Variants in CNOT2 observed in about 807,000 individuals in gnomAD.
CNOT2 encodes CCR4-NOT transcription complex subunit 2, also known as CC chemokine receptor 4-negative regulator of transcription 2.
A neutral mutation model predicts 72.1 loss-of-function variants in CNOT2; 7 were observed. The observed-to-expected ratio is 0.10, with a 90% CI of 0.06 to 0.18. CNOT2 has a LOEUF of 0.18. Among genes scored for constraint, CNOT2 ranks in the 10% least tolerant of loss-of-function variants. The probability of loss-of-function intolerance (pLI) is 1.00; values close to 1 mark genes in which losing one functional copy is unlikely to be tolerated. For synonymous variants in CNOT2, 196 were observed against 225.6 expected (o/e 0.87, Z 1.17); for missense variants, 345 against 660.3 (o/e 0.52, Z 5.23).
chr12:70,279,711 A>G (rs797015760), intron 2 of CNOT2, among the ~76,000 whole-genome samples: 61 of 152,334 alleles, frequency 4.0e-4, no homozygotes, highest in African/African-American at 1.4e-3. Flanking sequence ...TCCAATTTGT[A>G]AAGTGTGAAT....
intron 13 of CNOT2, 39 bp from the exon 14 acceptor site, chr12:70,344,089 T>G: frequency 2.1e-6 from 3 of 1,420,870 alleles, no homozygotes; most frequent in Non-Finnish European, 2.9e-6. Flanking sequence ...ATTTGCAGAT[T>G]TGTTTTATAT....
At chr12:70,277,227 G>A (rs1178795465) in intron 1 of CNOT2, among the ~76,000 whole-genome samples, 1 of 152,076 alleles carries the variant, frequency 6.6e-6, no homozygotes, top group Non-Finnish European at 1.5e-5. Flanking sequence ...TTAGGTAAGA[G>A]ATATCTGTCT....
At chr12:70,337,698 A>T in intron 9 of CNOT2, 185 bp downstream of exon 9, 4 of 684,224 alleles carry the variant, frequency 5.8e-6, no homozygotes, top group Admixed American at 2.3e-5. Context: ...TTCCTATTTC[A>T]TATAGGTTTG....
intron 15 of CNOT2, chr12:70,347,561 A>C (rs1347980830): frequency 6.6e-6 from 1 of 151,694 alleles, no homozygotes; most frequent in Non-Finnish European, 1.5e-5. Flanking sequence ...TGAACCTGGG[A>C]GGCGGAGCTT....
At chr12:70,254,862 T>C (rs1958344271) in intron 1 of CNOT2, among the ~76,000 whole-genome samples, 1 of 151,692 alleles carries the variant, frequency 6.6e-6, no homozygotes, top group African/African-American at 2.4e-5. Context: ...GTGTCTCTAA[T>C]CCGAGATGCT....
chr12:70,346,045 A>G lies in CNOT2; in HGVS notation c.1392-135A>G, dbSNP rs200741750. On this transcript the variant is annotated intron_variant, in intron 14 of 15. Transcript: ENST00000229195. ...GGTTGTATTTAATAACTTATAATAA[A>G]TGAGTAGGAAGCATTCATATTTATT... is the stretch of plus-strand genomic sequence containing the variant. 174 of 582,712 alleles carry G rather than the reference A, an allele frequency of 3.0e-4. No homozygotes were observed. The East Asian group carries it at 4.9e-3, about 16-fold the overall frequency. 36.1% of individuals were successfully genotyped at this position (582,712 alleles called of 1,614,324 possible). A position where few individuals can be genotyped will look rare whatever the true frequency, so the allele number is the denominator to read the frequency against.
At chr12:70,251,369 A>G (rs559053842) in intron 1 of CNOT2, among the ~76,000 whole-genome samples, 2 of 152,262 alleles carry the variant, frequency 1.3e-5, no homozygotes, top group African/African-American at 4.8e-5. Flanking sequence ...GGGAATCAGC[A>G]TTGTAAATGC....
chr12:70,296,144 A>AAC (rs1394476377), intron 2 of CNOT2, among the ~76,000 whole-genome samples: 24 of 151,524 alleles, frequency 1.6e-4, no homozygotes, highest in African/African-American at 3.4e-4. Context: ...CTCCCCCACC[A>AAC]ACACACACAC....
chr12:70,332,451 G>T (rs1000232990), intron 6 of CNOT2: 2 of 196,168 alleles, frequency 1.0e-5, no homozygotes, highest in African/African-American at 4.6e-5. Flanking sequence ...AGGTAATTCA[G>T]GTATCCAGGA....
chr12:70,275,750 A>T (rs1198866122), intron 1 of CNOT2, among the ~76,000 whole-genome samples: 2 of 152,124 alleles, frequency 1.3e-5, no homozygotes, highest in Non-Finnish European at 2.9e-5. Context: ...CCTAGGGTGC[A>T]TGCTGTCTCT....
In CNOT2 at chr12:70,297,893, C is replaced by T. The variant is rs564185469; in HGVS notation, c.49-13002C>T. 1.2e-3 allele frequency: 228 copies of T among 187,800 alleles called. 1 individual carries two copies. Among genetic ancestry groups the T allele is most frequent in the African/African-American group, 5.0e-3 (208 of 41,708 alleles). 11.6% of individuals were successfully genotyped at this position (187,800 alleles called of 1,614,324 possible). A position where few individuals can be genotyped will look rare whatever the true frequency, so the allele number is the denominator to read the frequency against. On this transcript the variant is annotated intron_variant, in intron 2 of 15. Transcript: ENST00000229195. ...CTGGGACTACAGGTGCGTACCACCA[C>T]GCCCAACTAATTTTTGTATTTTTAG...
rs1441649228 is a variant in CNOT2 at position 70,354,688 on chromosome 12, ATGTT to A, written c.*776_*779del. 7.2e-5 allele frequency: 11 copies of A among 152,582 alleles called. No homozygotes were observed. Among genetic ancestry groups the A allele is most frequent in the African/African-American group, 2.7e-4 (11 of 41,428 alleles). 9.5% of individuals were successfully genotyped at this position (152,582 alleles called of 1,614,324 possible). A position where few individuals can be genotyped will look rare whatever the true frequency, so the allele number is the denominator to read the frequency against. On this transcript the variant is annotated 3_prime_UTR_variant, in exon 16 of 16. Coordinates refer to ENST00000229195, the MANE Select transcript of CNOT2 (RefSeq NM_014515.7). ...ATATATATGACATCTATTTTGGAAAATGTTTGCCCTGCTGTACCTCATTTTTAGG... is the reference window on the plus strand; with the variant it reads ...ATATATATGACATCTATTTTGGAAAATGCCCTGCTGTACCTCATTTTTAGG...
chr12:70,268,112 A>C (rs180695450), intron 1 of CNOT2, among the ~76,000 whole-genome samples: 2 of 152,164 alleles, frequency 1.3e-5, no homozygotes, highest in Admixed American at 6.5e-5. Context: ...TATTATTTTC[A>C]TTTTGTCCAA....
At chr12:70,308,251 G>A (rs945534134) in intron 2 of CNOT2, among the ~76,000 whole-genome samples, 1 of 151,998 alleles carries the variant, frequency 6.6e-6, no homozygotes, top group African/African-American at 2.4e-5. Flanking sequence ...TAAAGGACGG[G>A]CACTTTAAAA....
At chr12:70,262,336 C>CAATCTCGG (rs1410278038) in intron 1 of CNOT2, among the ~76,000 whole-genome samples, 2 of 151,610 alleles carry the variant, frequency 1.3e-5, no homozygotes, top group Non-Finnish European at 2.9e-5. Flanking sequence ...TGCAATGGCG[C>CAATCTCGG]AATCTCGGCT....
chr12:70,329,327 G>A (rs574034441), intron 4 of CNOT2, 96 bp from the exon 5 acceptor site: 11 of 875,116 alleles, frequency 1.3e-5, no homozygotes, highest in Non-Finnish European at 1.9e-5. Context: ...ACTATGTTAG[G>A]TCATTAAAAG....
intron 15 of CNOT2, among the ~76,000 whole-genome samples, chr12:70,347,011 AATATATTCTCTCCACTCT>A (rs1882262203): frequency 6.6e-6 from 1 of 151,960 alleles, no homozygotes; most frequent in Admixed American, 6.6e-5. Context: ...ATGTGGAGAG[AATATATTCTCTCCACTCT>A]ATATATTATT....
chr12:70,332,084 G>C (rs762239100), intron 6 of CNOT2, among the ~76,000 whole-genome samples: 14 of 151,520 alleles, frequency 9.2e-5, no homozygotes, highest in Non-Finnish European at 1.9e-4. Context: ...ACCATAGACT[G>C]TGTTTTCTTT....
chr12:70,298,014 C>T (rs1282917912), intron 2 of CNOT2: 2 of 161,314 alleles, frequency 1.2e-5, no homozygotes, highest in Non-Finnish European at 2.7e-5. Context: ...AGTGGGATTA[C>T]AGGCGTGAAC....
Sources: gnomAD v4.1 joint callset for allele counts (sites outside exome capture counted in the v4.1 genomes callset) on GRCh38, gnomAD v4.1.1 for gene constraint, MANE v1.5 for transcripts, NCBI Gene and HGNC (gene_info 2026-07-23, HGNC 2026-07-21) for gene names.